FRMD3: variants seen among roughly 807,000 people sequenced by gnomAD.
The protein encoded by FRMD3 is FERM domain-containing protein 3.
A neutral mutation model predicts 70.2 loss-of-function variants in FRMD3; 33 were observed. The ratio of observed to expected loss-of-function variants is 0.47; its 90% CI spans 0.36 to 0.63. FRMD3 has a LOEUF of 0.63. Ranked by LOEUF, FRMD3 falls within the 20% of genes least tolerant of loss-of-function variation. FRMD3 has a pLI of 0.00. For synonymous variants in FRMD3, 279 were observed against 255.9 expected (o/e 1.09, Z -0.86); for missense variants, 632 against 711.4 (o/e 0.89, Z 1.27).
intron 3 of FRMD3, among the ~76,000 whole-genome samples, chr9:83,359,881 C>T (rs780062428): frequency 6.6e-6 from 1 of 152,134 alleles, no homozygotes; most frequent in Non-Finnish European, 1.5e-5. Flanking sequence ...CACTTCGCAG[C>T]CTGCTGAGAC....
chr9:83,434,630 C>T (rs1440118323), intron 1 of FRMD3, among the ~76,000 whole-genome samples: 1 of 152,156 alleles, frequency 6.6e-6, no homozygotes, highest in African/African-American at 2.4e-5. Flanking sequence ...AAAGGAGACA[C>T]AGCCCATGCT....
In FRMD3 at chr9:83,245,933, C is replaced by A. The variant is rs1420242086; in HGVS notation, c.*1985G>T. ...AAATATATTCCTAAATCAGTATCAA[C>A]TTTCAGGTAATAAACAAACAATCTT... is the stretch of plus-strand genomic sequence containing the variant. On this transcript the variant is annotated 3_prime_UTR_variant, in exon 14 of 14. Coordinates refer to ENST00000304195, the MANE Select transcript of FRMD3 (RefSeq NM_174938.6). 4 of 982,404 alleles carry A rather than the reference C, an allele frequency of 4.1e-6. No homozygotes were observed. The East Asian group carries it at 4.6e-4, about 112-fold the overall frequency. 60.9% of individuals were successfully genotyped at this position (982,404 alleles called of 1,614,324 possible). A position where few individuals can be genotyped will look rare whatever the true frequency, so the allele number is the denominator to read the frequency against.
chr9:83,330,805 C>A (rs970571020), intron 6 of FRMD3, among the ~76,000 whole-genome samples: 13 of 152,218 alleles, frequency 8.5e-5, no homozygotes, highest in Non-Finnish European at 1.2e-4. Context: ...CTAGAAGAAT[C>A]ATTCGGCTCA....
At chr9:83,572,182 T>C in the FRMD3 span, among the ~76,000 whole-genome samples, 2 of 151,512 alleles carry the variant, frequency 1.3e-5, no homozygotes, top group East Asian at 3.9e-4. Flanking sequence ...TGCATGCGCA[T>C]GTGTGTGTGT....
intron 1 of FRMD3, among the ~76,000 whole-genome samples, chr9:83,477,795 T>G (rs902970011): frequency 6.6e-6 from 1 of 152,064 alleles, no homozygotes; most frequent in South Asian, 2.1e-4. Flanking sequence ...GGGCTTCCCA[T>G]CTCTGTTTTC....
the FRMD3 span, among the ~76,000 whole-genome samples, chr9:83,545,356 G>GTTTTTTTTTTTTT: frequency 8.5e-6 from 1 of 117,610 alleles, no homozygotes; most frequent in East Asian, 2.6e-4. Flanking sequence ...GTTTTTTTTT[G>GTTTTTTTTTTTTT]TTTTTTTTTT....
chr9:83,345,487 G>A (rs1049348143), intron 4 of FRMD3, among the ~76,000 whole-genome samples: 17 of 152,314 alleles, frequency 1.1e-4, no homozygotes, highest in African/African-American at 3.6e-4. Context: ...GCCGGGCATG[G>A]TGGCTCAAGC....
In FRMD3 at chr9:83,537,244, G is replaced by A. The variant is rs1829916543; in HGVS notation, c.147+841C>T. ...GACAGCCCAGAGGCACTTACTACCC[G>A]AGGACAGGGCTGCCAGCAAAGCTGC... On this transcript the variant is annotated intron_variant, in intron 1 of 13. Coordinates refer to ENST00000304195, the MANE Select transcript of FRMD3 (RefSeq NM_174938.6). The surrounding 1 kb of genome is among the most constrained non-coding windows in gnomAD (Gnocchi z 4.1). Among the ~76,000 whole-genome samples, 1 of 152,188 alleles carries A rather than the reference G, an allele frequency of 6.6e-6. No homozygotes were observed. The highest frequency in any genetic ancestry group is 2.1e-4 in the South Asian group (1 of 4,808).
At chr9:83,562,477 A>G in the FRMD3 span, among the ~76,000 whole-genome samples, 1 of 152,168 alleles carries the variant, frequency 6.6e-6, no homozygotes, top group African/African-American at 2.4e-5. Flanking sequence ...ACAAAAATGG[A>G]ACTCCTAGGC....
At chr9:83,371,290 T>C (rs565820545) in intron 3 of FRMD3, among the ~76,000 whole-genome samples, 5 of 151,872 alleles carry the variant, frequency 3.3e-5, no homozygotes, top group Non-Finnish European at 7.4e-5. Flanking sequence ...CATATCATAC[T>C]ATATAGCCTC....
chr9:83,380,873 C>T (rs886684506), intron 2 of FRMD3, among the ~76,000 whole-genome samples: 2 of 152,010 alleles, frequency 1.3e-5, no homozygotes, highest in Non-Finnish European at 2.9e-5. Flanking sequence ...ATGCACTTCC[C>T]CAGACAAGAG....
At chr9:83,553,085 CTGTATG>C in the FRMD3 span, among the ~76,000 whole-genome samples, 1 of 151,946 alleles carries the variant, frequency 6.6e-6, no homozygotes, top group Non-Finnish European at 1.5e-5. Context: ...TTACTCTGGT[CTGTATG>C]TTTTTGTATT....
chr9:83,298,907 T>A, intron 11 of FRMD3, 91 bp from the exon 12 acceptor site: 1 of 1,273,940 alleles, frequency 7.8e-7, no homozygotes, highest in Non-Finnish European at 1.1e-6. Flanking sequence ...ACTTCACAGG[T>A]GTCTGACCCA....
chr9:83,541,036 T>C (rs1160965934), upstream of FRMD3, among the ~76,000 whole-genome samples: 2 of 152,240 alleles, frequency 1.3e-5, no homozygotes, highest in South Asian at 2.1e-4. Context: ...AGCAGAAGCA[T>C]GCCCTCTTCC....
At chr9:83,554,798 G>T in the FRMD3 span, among the ~76,000 whole-genome samples, 33 of 152,284 alleles carry the variant, frequency 2.2e-4, no homozygotes, top group African/African-American at 7.9e-4. Flanking sequence ...GGAGGCCCAG[G>T]CCTGGAGGAC....
At chr9:83,341,906 C>T (rs1388326682) in intron 5 of FRMD3, among the ~76,000 whole-genome samples, 3 of 152,088 alleles carry the variant, frequency 2.0e-5, no homozygotes, top group Admixed American at 6.6e-5. Flanking sequence ...ACAGGGGAAT[C>T]CCCAGGAGAA....
intron 3 of FRMD3, among the ~76,000 whole-genome samples, chr9:83,354,539 C>A (rs1824273273): frequency 6.6e-6 from 1 of 152,122 alleles, no homozygotes; most frequent in African/African-American, 2.4e-5. Context: ...GAACAACAAA[C>A]TATTGGGTAC....
intron 6 of FRMD3, among the ~76,000 whole-genome samples, chr9:83,316,364 C>A (rs1473146774): frequency 1.3e-5 from 2 of 152,036 alleles, no homozygotes; most frequent in Admixed American, 1.3e-4. Context: ...GACATGTTAG[C>A]CAGGCTAGTC....
At chr9:83,495,282 G>T (rs1828918799) in intron 1 of FRMD3, among the ~76,000 whole-genome samples, 1 of 152,120 alleles carries the variant, frequency 6.6e-6, no homozygotes, top group South Asian at 2.1e-4. Context: ...GGAGCAAGTG[G>T]CCATCTGTGT....
Sources: gnomAD v4.1 joint callset for allele counts (sites outside exome capture counted in the v4.1 genomes callset) on GRCh38, gnomAD v4.1.1 for gene constraint, Gnocchi (gnomAD v3.1) non-coding constraint, MANE v1.5 for transcripts, NCBI Gene and HGNC (gene_info 2026-07-23, HGNC 2026-07-21) for gene names.